The following CDH4 variants were observed in gnomAD, a reference collection of about 807,000 sequenced individuals.
The protein encoded by CDH4 is cadherin-4.
Under a neutral mutation model 86.0 loss-of-function variants are expected in CDH4, and 33 were observed. The observed-to-expected ratio is 0.38, with a 90% CI of 0.29 to 0.51. The LOEUF is 0.51. Among genes scored for constraint, CDH4 ranks in the 20% least tolerant of loss-of-function variants. CDH4 has a pLI of 0.86. For missense variants in CDH4, 1,114 were observed against 1,307.4 expected (o/e 0.85, Z 2.28); for synonymous variants, 555 against 549.4 (o/e 1.01, Z -0.14).
At chr20:61,845,386 G>C (rs933101720) in intron 5 of CDH4, among the ~76,000 whole-genome samples, 1 of 152,234 alleles carries the variant, frequency 6.6e-6, no homozygotes, top group African/African-American at 2.4e-5. Context: ...AAATGCTAGA[G>C]AGACGTGGGG....
Position 61,844,584 on chromosome 20 carries a change from TGA to T in CDH4, c.577-80_577-79del, listed in dbSNP as rs530826946. 895 of 1,344,964 alleles carry T rather than the reference TGA, an allele frequency of 6.7e-4. 3 individuals carry two copies. The highest frequency in any genetic ancestry group is 5.6e-3 in the Middle Eastern group (30 of 5,324). The allele number at this position is 1,344,964 out of a possible 1,614,324, so 83.3% of individuals were successfully genotyped here. ...AAAATGGTCGAGCTCGAGGAACTCATGAGAGGGGATGAATGTCAGAGATCGGC... is the reference window on the plus strand; with the variant it reads ...AAAATGGTCGAGCTCGAGGAACTCATGAGGGGATGAATGTCAGAGATCGGC... On this transcript the variant is annotated intron_variant, in intron 4 of 15. Transcript: ENST00000614565.
At chr20:61,612,773 G>A (rs1018885056) in intron 2 of CDH4, among the ~76,000 whole-genome samples, 1 of 152,086 alleles carries the variant, frequency 6.6e-6, no homozygotes, top group Non-Finnish European at 1.5e-5. Context: ...CTAATGTGAC[G>A]GTTTTGCATG....
At chr20:61,503,041 A>G (rs966247177) in intron 2 of CDH4, among the ~76,000 whole-genome samples, 1 of 152,136 alleles carries the variant, frequency 6.6e-6, no homozygotes, top group Non-Finnish European at 1.5e-5. Flanking sequence ...AACCTAGAAT[A>G]CCTAAAAAAA....
At chr20:61,602,809 A>C (rs1174445854) in intron 2 of CDH4, among the ~76,000 whole-genome samples, 1 of 150,678 alleles carries the variant, frequency 6.6e-6, no homozygotes, top group Non-Finnish European at 1.5e-5. Context: ...TGGCCTGGTG[A>C]GCGCACACAG....
intron 2 of CDH4, among the ~76,000 whole-genome samples, chr20:61,300,817 G>C (rs964137014): frequency 2.6e-5 from 4 of 152,186 alleles, no homozygotes; most frequent in African/African-American, 9.7e-5. Flanking sequence ...TTGGCTTCCT[G>C]GCAGAGCCAC....
At chr20:61,731,718 C>G (rs570136242) in intron 2 of CDH4, among the ~76,000 whole-genome samples, 52 of 152,352 alleles carry the variant, frequency 3.4e-4, no homozygotes, top group Non-Finnish European at 5.6e-4. Context: ...CTGGGAAATG[C>G]TCCCTTGGTT....
chr20:61,296,156 C>T (rs773786841), intron 2 of CDH4, among the ~76,000 whole-genome samples: 8 of 152,088 alleles, frequency 5.3e-5, no homozygotes, highest in East Asian at 1.9e-4. Flanking sequence ...TGTGCTGGAA[C>T]TTTAGAGTTG....
chr20:61,391,972 G>A (rs1050129467), intron 2 of CDH4, among the ~76,000 whole-genome samples: 5 of 152,066 alleles, frequency 3.3e-5, no homozygotes, highest in African/African-American at 1.2e-4. Context: ...GCAATTGGGA[G>A]AAAGACAGCC....
chr20:61,861,627 A>G (rs1983327219), intron 6 of CDH4, among the ~76,000 whole-genome samples: 1 of 152,170 alleles, frequency 6.6e-6, no homozygotes, highest in Admixed American at 6.5e-5. Flanking sequence ...AGCAGCTTGA[A>G]CAAGTGGAGG....
At chr20:61,936,384 CCCCCTCCCCCACA>C in intron 15 of CDH4, among the ~76,000 whole-genome samples, 16 of 10,354 alleles carry the variant, frequency 1.5e-3, no homozygotes, top group Admixed American at 6.2e-3. Flanking sequence ...TTCCCCCACA[CCCCCTCCCCCACA>C]CCCCCTCCCC....
intron 2 of CDH4, among the ~76,000 whole-genome samples, chr20:61,341,521 T>C (rs1415478826): frequency 7.0e-6 from 1 of 142,242 alleles, no homozygotes; most frequent in Non-Finnish European, 1.5e-5. Flanking sequence ...TATACTTTTT[T>C]TTCTTTTTTT....
At position 61,342,312 on chromosome 20, in the gene CDH4, G is replaced by T. The variant is rs1303291069; in HGVS notation, c.169+87375G>T. On this transcript the variant is annotated intron_variant, in intron 2 of 15. Transcript: ENST00000614565. ...TATTGCATTGTGATATATAAAGAAA[G>T]AATTACACAACTCACCATGACGTAC... is the stretch of plus-strand genomic sequence containing the variant. Among the ~76,000 whole-genome samples, 4 of 152,296 alleles carry T rather than the reference G, an allele frequency of 2.6e-5. No individual in the cohort carries two copies. In the East Asian group the frequency reaches 7.7e-4, roughly 29 times the overall value.
intron 2 of CDH4, among the ~76,000 whole-genome samples, chr20:61,503,535 C>T (rs560733428): frequency 7.2e-5 from 11 of 152,218 alleles, no homozygotes; most frequent in South Asian, 2.1e-4. Flanking sequence ...ATGTTGGCGT[C>T]GGGTCATCAC....
At chr20:61,379,523 A>G (rs1363622441) in intron 2 of CDH4, among the ~76,000 whole-genome samples, 2 of 151,986 alleles carry the variant, frequency 1.3e-5, no homozygotes, top group African/African-American at 2.4e-5. Flanking sequence ...TCAGAACCTC[A>G]TCTTCCCAAG....
chr20:61,528,550 A>T (rs2085929605), intron 2 of CDH4, among the ~76,000 whole-genome samples: 1 of 151,874 alleles, frequency 6.6e-6, no homozygotes, highest in Non-Finnish European at 1.5e-5. Flanking sequence ...CGGGAGGATC[A>T]CTTAAGCCCA....
intron 3 of CDH4, among the ~76,000 whole-genome samples, chr20:61,763,439 C>T (rs1241852845): frequency 1.3e-5 from 2 of 152,204 alleles, no homozygotes; most frequent in Non-Finnish European, 2.9e-5. Flanking sequence ...CTCTGGGAGG[C>T]ATTTTCACGC....
At chr20:61,432,985 C>T (rs969201827) in intron 2 of CDH4, among the ~76,000 whole-genome samples, 3 of 151,912 alleles carry the variant, frequency 2.0e-5, no homozygotes, top group Non-Finnish European at 4.4e-5. Context: ...ATTACAGGCA[C>T]GTGCCACCAC....
At chr20:61,473,667 C>T (rs2085518415) in intron 2 of CDH4, among the ~76,000 whole-genome samples, 2 of 152,126 alleles carry the variant, frequency 1.3e-5, no homozygotes, top group Admixed American at 1.3e-4. Context: ...AGAATAAAGT[C>T]CACCATGTCT....
rs1311046731 is a variant in CDH4, at chr20:61,510,365, T to C, written c.170-233198T>C. 6.6e-6 allele frequency among the ~76,000 whole-genome samples: 1 copy of C among 152,192 alleles called. No individual in the cohort carries two copies. Among genetic ancestry groups the C allele is most frequent in the Non-Finnish European group, 1.5e-5 (1 of 68,040 alleles). On this transcript the variant is annotated intron_variant, in intron 2 of 15. Coordinates refer to ENST00000614565, the MANE Select transcript of CDH4 (RefSeq NM_001794.5). This position sits in a 1 kb window ranked among gnomAD's most constrained non-coding sequence, Gnocchi z 4.2. ...AAGGCACAAGGCCCGACTCTGGAGA[T>C]GTCTGGTGCATGGGAGTTTGTGTGG...
Sources: gnomAD v4.1 joint callset for allele counts (sites outside exome capture counted in the v4.1 genomes callset) on GRCh38, gnomAD v4.1.1 for gene constraint, Gnocchi (gnomAD v3.1) non-coding constraint, MANE v1.5 for transcripts, NCBI Gene and HGNC (gene_info 2026-07-23, HGNC 2026-07-21) for gene names.